Variants in SRC observed in about 807,000 individuals in gnomAD.
The protein encoded by SRC is SRC proto-oncogene, non-receptor tyrosine kinase, also known as proto-oncogene tyrosine-protein kinase Src.
A neutral mutation model predicts 62.9 loss-of-function variants in SRC; 13 were observed. The ratio of observed to expected loss-of-function variants is 0.21; its 90% CI spans 0.13 to 0.33. SRC has a LOEUF of 0.33. Ranked by LOEUF, SRC falls within the 10% of genes least tolerant of loss-of-function variation. The probability of loss-of-function intolerance (pLI) is 1.00; values close to 1 mark genes in which losing one functional copy is unlikely to be tolerated. For synonymous variants in SRC, 302 were observed against 317.5 expected, an observed-to-expected ratio of 0.95 and a Z score of 0.52; for missense variants, 457 against 737.3, an observed-to-expected ratio of 0.62 and a Z score of 4.40.
At chr20:37,367,647 T>C (rs1190907707) in intron 2 of SRC, among the ~76,000 whole-genome samples, 1 of 151,814 alleles carries the variant, frequency 6.6e-6, no homozygotes, top group Admixed American at 6.6e-5. Context: ...ACTTAATTTT[T>C]TTTTTTTTAA....
intron 1 of SRC, among the ~76,000 whole-genome samples, chr20:37,363,995 C>T (rs2070022436): frequency 6.6e-6 from 1 of 152,032 alleles, no homozygotes; most frequent in Non-Finnish European, 1.5e-5. Context: ...CTGCCCACCG[C>T]CTTCCCCCTC....
chr20:37,389,672 A>G (rs1286396622), intron 5 of SRC, among the ~76,000 whole-genome samples: 3 of 152,190 alleles, frequency 2.0e-5, no homozygotes, highest in South Asian at 2.1e-4. Flanking sequence ...ACGCTGGCAC[A>G]TGTCCCAGGT....
At chr20:37,360,834 A>G (rs938436363) in intron 1 of SRC, among the ~76,000 whole-genome samples, 1 of 152,208 alleles carries the variant, frequency 6.6e-6, no homozygotes, top group Admixed American at 6.5e-5. Flanking sequence ...AATCCTCACA[A>G]CAGTCCTTTG....
Position 37,384,152 on chromosome 20 carries a change from C to A in SRC, c.-2C>A. 1 of 1,600,778 alleles carries A rather than the reference C, an allele frequency of 6.2e-7. No individual in the cohort carries two copies. The highest frequency in any genetic ancestry group is 1.7e-5 in the Admixed American group (1 of 59,758). On this transcript the variant is annotated splice_region_variant and 5_prime_UTR_variant, in exon 4 of 14. Transcript: ENST00000373578. The surrounding 1 kb of genome is among the most constrained non-coding windows in gnomAD (Gnocchi z 6.7). ...GTGTCTTCTCTCTCTCCTGCCAGGACCATGGGTAGCAACAAGAGCAAGCCC... is the reference window on the plus strand; with the variant it reads ...GTGTCTTCTCTCTCTCCTGCCAGGAACATGGGTAGCAACAAGAGCAAGCCC...
chr20:37,391,066 C>A (rs78806620), intron 5 of SRC, among the ~76,000 whole-genome samples: 1 of 152,230 alleles, frequency 6.6e-6, no homozygotes, highest in Non-Finnish European at 1.5e-5. Flanking sequence ...GCACTCCTCT[C>A]GCTCTTGGGC....
At chr20:37,383,594 T>C (rs2070396082) in intron 3 of SRC, 1 of 153,444 alleles carries the variant, frequency 6.5e-6, no homozygotes, top group Admixed American at 6.5e-5. Flanking sequence ...AGGCATTTCT[T>C]CCGTTCCTGG....
chr20:37,372,089 C>T (rs1435862901), intron 2 of SRC, among the ~76,000 whole-genome samples: 3 of 152,152 alleles, frequency 2.0e-5, no homozygotes, highest in South Asian at 2.1e-4. Context: ...CTCTGAACTC[C>T]GGGGCTTGAG....
chr20:37,400,613 C>A (rs1229737474), intron 10 of SRC, among the ~76,000 whole-genome samples: 3 of 151,842 alleles, frequency 2.0e-5, no homozygotes, highest in African/African-American at 7.3e-5. Context: ...AACTCTTGGG[C>A]TCAAGGAGTC....
chr20:37,386,068 T>C lies in SRC; in HGVS notation c.251-7T>C. The C allele has an allele frequency of 6.2e-7, 1 of 1,607,766 alleles. No individual in the cohort carries two copies. The highest frequency in any genetic ancestry group is 2.2e-5 in the East Asian group (1 of 44,846). On this transcript the variant is annotated splice_region_variant and splice_polypyrimidine_tract_variant and intron_variant, in intron 4 of 13. Transcript: ENST00000373578. Reference sequence around the variant, plus strand: ...ACTGTTCTGACACACCCCACCCCTCTCTGCAGGTGGAGTGACCACCTTTGT... The same window carrying C: ...ACTGTTCTGACACACCCCACCCCTCCCTGCAGGTGGAGTGACCACCTTTGT...
At chr20:37,359,765 C>G (rs2069937551) in intron 1 of SRC, among the ~76,000 whole-genome samples, 1 of 151,754 alleles carries the variant, frequency 6.6e-6, no homozygotes. Context: ...CCTGGGTGCA[C>G]CTGGCTGCTG....
intron 2 of SRC, among the ~76,000 whole-genome samples, chr20:37,371,784 C>T (rs2070168787): frequency 6.6e-6 from 1 of 152,150 alleles, no homozygotes; most frequent in Non-Finnish European, 1.5e-5. Context: ...TCACTGCAAC[C>T]TCCACCTCCC....
intron 2 of SRC, among the ~76,000 whole-genome samples, chr20:37,376,340 T>G (rs2070278076): frequency 6.6e-6 from 1 of 152,168 alleles, no homozygotes; most frequent in Non-Finnish European, 1.5e-5. Flanking sequence ...ATTGAGCACT[T>G]TCTATGTGCC....
At chr20:37,375,339 C>G (rs1380051838) in intron 2 of SRC, among the ~76,000 whole-genome samples, 2 of 151,926 alleles carry the variant, frequency 1.3e-5, no homozygotes, top group Admixed American at 6.6e-5. Flanking sequence ...TCAAGTGATT[C>G]TCTCACTTCA....
intron 1 of SRC, among the ~76,000 whole-genome samples, chr20:37,362,644 G>A (rs2069991948): frequency 6.6e-6 from 1 of 152,038 alleles, no homozygotes; most frequent in African/African-American, 2.4e-5. Flanking sequence ...CCTGGGGGTT[G>A]AGGCTGTGAC....
At chr20:37,373,243 TACACACGC>T (rs796428915) in intron 2 of SRC, among the ~76,000 whole-genome samples, 5 of 91,670 alleles carry the variant, frequency 5.5e-5, no homozygotes, top group East Asian at 6.0e-4. Context: ...TGCACATATG[TACACACGC>T]ACACACATGT....
At chr20:37,394,395 G>A (rs2070605042) in intron 7 of SRC, 118 bp downstream of exon 7, 2 of 816,852 alleles carry the variant, frequency 2.4e-6, no homozygotes, top group Non-Finnish European at 2.0e-6. Context: ...CCTTCCGGGT[G>A]GAGGTAATGG....
At chr20:37,387,740 A>G (rs1354118825) in intron 5 of SRC, among the ~76,000 whole-genome samples, 1 of 152,224 alleles carries the variant, frequency 6.6e-6, no homozygotes, top group African/African-American at 2.4e-5. Flanking sequence ...GTAACTCAGC[A>G]CAGTGGCGGG....
chr20:37,353,033 A>G (rs2069829696), intron 1 of SRC, among the ~76,000 whole-genome samples: 1 of 152,152 alleles, frequency 6.6e-6, no homozygotes, highest in African/African-American at 2.4e-5. Flanking sequence ...GCCTTAGATG[A>G]CAAGTCATAG....
intron 1 of SRC, among the ~76,000 whole-genome samples, chr20:37,350,434 A>C (rs562767025): frequency 6.6e-6 from 1 of 152,166 alleles, no homozygotes; most frequent in Admixed American, 6.5e-5. Flanking sequence ...TAGGGCTTGT[A>C]CCTGGTAAGG....
Sources: allele counts gnomAD v4.1 joint callset (sites outside exome capture counted in the v4.1 genomes callset), GRCh38; gene constraint gnomAD v4.1.1; non-coding constraint Gnocchi (gnomAD v3.1); transcripts MANE v1.5; gene names NCBI Gene and HGNC (gene_info 2026-07-23, HGNC 2026-07-21).